TAFA4: variants seen among roughly 807,000 people sequenced by gnomAD.
TAFA4 encodes the protein chemokine-like protein TAFA-4.
A neutral mutation model predicts 21.1 loss-of-function variants in TAFA4; 20 were observed. The observed-to-expected ratio is 0.95, with a 90% CI of 0.67 to 1.38. The LOEUF (loss-of-function observed/expected upper bound fraction) is 1.38, where lower values mean the gene tolerates loss of function less well. Among genes scored for constraint, TAFA4 ranks in the 40% most tolerant of loss-of-function variants. TAFA4 has a pLI of 0.00. For missense variants in TAFA4, 211 were observed against 180.9 expected, an observed-to-expected ratio of 1.17 and a Z score of -0.95; for synonymous variants, 71 against 67.4, an observed-to-expected ratio of 1.05 and a Z score of -0.26.
At chr3:68,870,125 T>C (rs1311206182) in intron 3 of TAFA4, among the ~76,000 whole-genome samples, 1 of 151,916 alleles carries the variant, frequency 6.6e-6, no homozygotes, top group Non-Finnish European at 1.5e-5. Flanking sequence ...ATAAAATACC[T>C]AGAAATAAAT....
intron 3 of TAFA4, among the ~76,000 whole-genome samples, chr3:68,805,807 G>A (rs180862331): frequency 2.4e-3 from 359 of 152,118 alleles, no homozygotes; most frequent in Non-Finnish European, 4.3e-3. Flanking sequence ...GACTGTTGTG[G>A]GGTGGGGGGA....
At chr3:68,739,314 G>T (rs1504300) in intron 4 of TAFA4, 115 bp from the exon 5 acceptor site, 812,243 of 1,263,040 alleles carry the variant, frequency 0.64, 265,580 homozygotes, top group East Asian at 0.98. Flanking sequence ...TTAAATTTAC[G>T]GTTGGTAAAT....
intron 3 of TAFA4, among the ~76,000 whole-genome samples, chr3:68,784,530 G>C (rs1813869): frequency 2.6e-5 from 4 of 151,820 alleles, no homozygotes; most frequent in Non-Finnish European, 5.9e-5. Flanking sequence ...GGAGTTCTTC[G>C]TTCCTCCCAG....
chr3:68,738,532 A>G (rs772419311), intron 5 of TAFA4, among the ~76,000 whole-genome samples: 1 of 152,166 alleles, frequency 6.6e-6, no homozygotes, highest in Non-Finnish European at 1.5e-5. Flanking sequence ...TGGGTAGTAA[A>G]AATCCTAAGG....
intron 4 of TAFA4, among the ~76,000 whole-genome samples, chr3:68,746,725 C>G (rs1169303376): frequency 6.6e-6 from 1 of 152,140 alleles, no homozygotes; most frequent in Non-Finnish European, 1.5e-5. Context: ...GTTAGTTCCA[C>G]AAAGTACACA....
At chr3:68,929,044 G>A (rs2090136113) in intron 1 of TAFA4, among the ~76,000 whole-genome samples, 1 of 150,992 alleles carries the variant, frequency 6.6e-6, no homozygotes, top group Admixed American at 6.6e-5. Flanking sequence ...AATAGCAACT[G>A]TACAACAGGA....
At chr3:68,804,335 G>A (rs932311486) in intron 3 of TAFA4, among the ~76,000 whole-genome samples, 34 of 152,226 alleles carry the variant, frequency 2.2e-4, no homozygotes, top group Admixed American at 1.3e-3. Context: ...CCATGCTCAT[G>A]GGCAGGAAAA....
intron 1 of TAFA4, among the ~76,000 whole-genome samples, chr3:68,931,986 G>A (rs961202836): frequency 3.3e-5 from 5 of 152,052 alleles, no homozygotes; most frequent in African/African-American, 1.2e-4. Context: ...AACTGGAAGC[G>A]GCCGCTGCCT....
chr3:68,865,893 A>G (rs1324080907), intron 3 of TAFA4, among the ~76,000 whole-genome samples: 1 of 152,130 alleles, frequency 6.6e-6, no homozygotes, highest in Non-Finnish European at 1.5e-5. Flanking sequence ...GGACTTTTCT[A>G]TCTGCAATGC....
At chr3:68,795,657 C>G (rs911764777) in intron 3 of TAFA4, among the ~76,000 whole-genome samples, 19 of 152,116 alleles carry the variant, frequency 1.2e-4, no homozygotes, top group African/African-American at 4.3e-4. Context: ...ATACAAAATC[C>G]AGAGGAAAGT....
intron 4 of TAFA4, among the ~76,000 whole-genome samples, chr3:68,748,570 C>T (rs1575593951): frequency 6.6e-6 from 1 of 152,200 alleles, no homozygotes; most frequent in Non-Finnish European, 1.5e-5. Context: ...GGGAGACCCC[C>T]GTCTCTACTA....
intron 1 of TAFA4, among the ~76,000 whole-genome samples, chr3:68,923,743 A>G (rs1017674521): frequency 6.6e-6 from 1 of 152,182 alleles, no homozygotes; most frequent in Non-Finnish European, 1.5e-5. Context: ...GCTTCTCCTT[A>G]GGGTAAACAC....
intron 3 of TAFA4, among the ~76,000 whole-genome samples, chr3:68,829,577 G>A (rs1010307943): frequency 6.6e-6 from 1 of 152,172 alleles, no homozygotes. Flanking sequence ...ATGTGCTGCT[G>A]GATTCGGTTT....
At chr3:68,804,722 A>T (rs1262067684) in intron 3 of TAFA4, among the ~76,000 whole-genome samples, 1 of 152,194 alleles carries the variant, frequency 6.6e-6, no homozygotes, top group African/African-American at 2.4e-5. Context: ...CTATTTAATA[A>T]ATGGTGCTGG....
At chr3:68,857,454 A>G (rs1214005306) in intron 3 of TAFA4, among the ~76,000 whole-genome samples, 1 of 152,160 alleles carries the variant, frequency 6.6e-6, no homozygotes, top group Non-Finnish European at 1.5e-5. Context: ...AATGAGGACC[A>G]ATGGATGGCA....
intron 3 of TAFA4, among the ~76,000 whole-genome samples, chr3:68,866,872 G>T (rs2089427576): frequency 6.6e-6 from 1 of 151,442 alleles, no homozygotes; most frequent in African/African-American, 2.4e-5. Context: ...TATACAGTCA[G>T]AATAGAAAAA....
At chr3:68,761,901 C>T (rs1031005930) in intron 3 of TAFA4, among the ~76,000 whole-genome samples, 7 of 152,010 alleles carry the variant, frequency 4.6e-5, no homozygotes, top group Non-Finnish European at 7.3e-5. Context: ...AGGCTAACTC[C>T]AAAGTTTCGG....
intron 1 of TAFA4, among the ~76,000 whole-genome samples, chr3:68,907,138 T>G (rs2089909410): frequency 6.6e-6 from 1 of 151,712 alleles, no homozygotes; most frequent in Non-Finnish European, 1.5e-5. Flanking sequence ...ATGAAAAGGT[T>G]TCAATAACGT....
rs34471537 is a variant in TAFA4 at position 68,826,572 on chromosome 3, C to CA, written c.130+54157dup. Among the ~76,000 whole-genome samples, 692 of 101,614 alleles carry CA rather than the reference C, an allele frequency of 6.8e-3. 3 individuals carry two copies. Among genetic ancestry groups the CA allele is most frequent in the African/African-American group, 8.8e-3 (232 of 26,216 alleles). The allele number at this position is 101,614 out of a possible 152,430, so 66.7% of individuals were successfully genotyped here. ...TGGGCAACAGAGCGAGACTCTGCCT[C>CA]AAAAAAAAAAAAAAAAAAGGTTAAC... On this transcript the variant is annotated intron_variant, in intron 3 of 5. Coordinates refer to ENST00000295569, the MANE Select transcript of TAFA4 (RefSeq NM_182522.5).
Sources: allele counts gnomAD v4.1 joint callset (sites outside exome capture counted in the v4.1 genomes callset), GRCh38; gene constraint gnomAD v4.1.1; transcripts MANE v1.5; gene names NCBI Gene and HGNC (gene_info 2026-07-23, HGNC 2026-07-21).